ANKS1B: variants seen among roughly 807,000 people sequenced by gnomAD.
ANKS1B encodes the protein ankyrin repeat and sterile alpha motif domain-containing protein 1B.
Under a neutral mutation model 148.3 loss-of-function variants are expected in ANKS1B, and 36 were observed. The observed-to-expected ratio is 0.24, with a 90% CI of 0.19 to 0.32. The LOEUF is 0.32. Among genes scored for constraint, ANKS1B ranks in the 10% least tolerant of loss-of-function variants. ANKS1B has a pLI of 1.00. For missense variants in ANKS1B, 1,157 were observed against 1,542.6 expected (o/e 0.75, Z 4.19); for synonymous variants, 542 against 560.8 (o/e 0.97, Z 0.47).
At chr12:99,855,525 A>G (rs542209047) in intron 1 of ANKS1B, among the ~76,000 whole-genome samples, 1 of 152,284 alleles carries the variant, frequency 6.6e-6, no homozygotes, top group African/African-American at 2.4e-5. Context: ...GTCAACAAAT[A>G]AACAATGGCC....
intron 17 of ANKS1B, among the ~76,000 whole-genome samples, chr12:98,900,746 C>A (rs2099770842): frequency 6.6e-6 from 1 of 152,178 alleles, no homozygotes; most frequent in African/African-American, 2.4e-5. Context: ...TTCTCAAAGG[C>A]AGTGCTATTG....
intron 9 of ANKS1B, among the ~76,000 whole-genome samples, chr12:99,506,800 A>G (rs2096716519): frequency 6.6e-6 from 1 of 152,080 alleles, no homozygotes; most frequent in African/African-American, 2.4e-5. Flanking sequence ...AAAAGGCACT[A>G]TAAAATGAGT....
chr12:99,441,270 T>G (rs969277105), intron 11 of ANKS1B, among the ~76,000 whole-genome samples: 5 of 151,950 alleles, frequency 3.3e-5, no homozygotes, highest in African/African-American at 1.2e-4. Context: ...TCTCAACCAT[T>G]TTCCATCCCT....
In ANKS1B at chr12:99,253,140, T is replaced by C. The variant is rs905898128; in HGVS notation, c.1757-6276A>G. Among the ~76,000 whole-genome samples the C allele has an allele frequency of 2.6e-5, 4 of 151,876 alleles. No individual in the cohort carries two copies. In the South Asian group the frequency reaches 6.2e-4, roughly 24 times the overall value. On this transcript the variant is annotated intron_variant, in intron 12 of 26. Transcript: ENST00000683438. ...TACTCAGGAGACTGAGATGGGAGGA[T>C]TGCTTGAGCCCAGGAGTTCAAGTCT...
rs1231026773 is a variant in ANKS1B at position 99,405,129 on chromosome 12, G to C, written c.1576-5318C>G. Among the ~76,000 whole-genome samples, 6 of 145,728 alleles carry C rather than the reference G, an allele frequency of 4.1e-5. 2 individuals carry two copies. Among genetic ancestry groups the C allele is most frequent in the African/African-American group, 1.6e-4 (6 of 38,470 alleles). Reference sequence around the variant, plus strand: ...AAGTTGAGAAATTTCTTCAACATTAGATCTTTCCTACAATAAATGCTAAAG... The same window carrying C: ...AAGTTGAGAAATTTCTTCAACATTACATCTTTCCTACAATAAATGCTAAAG... On this transcript the variant is annotated intron_variant, in intron 11 of 26. Transcript: ENST00000683438.
intron 17 of ANKS1B, among the ~76,000 whole-genome samples, chr12:98,941,367 T>C (rs1354538803): frequency 2.0e-5 from 3 of 152,078 alleles, no homozygotes; most frequent in African/African-American, 4.8e-5. Context: ...AAAAAGCATA[T>C]AAATATGAAA....
chr12:99,002,156 A>G (rs541086024), intron 17 of ANKS1B, among the ~76,000 whole-genome samples: 2 of 152,116 alleles, frequency 1.3e-5, no homozygotes, highest in African/African-American at 4.8e-5. Context: ...TTTCCTTTGG[A>G]TATAGACCCA....
chr12:99,510,104 C>A (rs1293020483), intron 9 of ANKS1B, among the ~76,000 whole-genome samples: 1 of 151,930 alleles, frequency 6.6e-6, no homozygotes, highest in East Asian at 1.9e-4. Context: ...AGAAAAGATT[C>A]CTTTCAAAAT....
chr12:99,543,449 A>G (rs2097145348), intron 9 of ANKS1B, among the ~76,000 whole-genome samples: 1 of 152,110 alleles, frequency 6.6e-6, no homozygotes, highest in African/African-American at 2.4e-5. Context: ...TTACCATATG[A>G]CTCCAATATT....
chr12:98,849,346 G>A (rs960122442), intron 17 of ANKS1B, among the ~76,000 whole-genome samples: 1 of 152,012 alleles, frequency 6.6e-6, no homozygotes, highest in Non-Finnish European at 1.5e-5. Context: ...GGAAAATTAT[G>A]AGCAGAGGTA....
intron 1 of ANKS1B, among the ~76,000 whole-genome samples, chr12:99,920,371 G>C (rs991069552): frequency 2.6e-5 from 4 of 151,826 alleles, no homozygotes; most frequent in African/African-American, 9.7e-5. Context: ...CGACATTCAA[G>C]ACAAGTGAAG....
chr12:99,808,709 C>A (rs1429520457), intron 3 of ANKS1B, among the ~76,000 whole-genome samples: 3 of 152,098 alleles, frequency 2.0e-5, no homozygotes, highest in African/African-American at 7.2e-5. Context: ...ACCTCCTGAC[C>A]AACCCAAATT....
At chr12:99,753,087 C>T (rs1216649701) in intron 8 of ANKS1B, among the ~76,000 whole-genome samples, 2 of 151,998 alleles carry the variant, frequency 1.3e-5, no homozygotes, top group South Asian at 2.1e-4. Flanking sequence ...TTATGAGATA[C>T]TGTACTTTTA....
intron 14 of ANKS1B, among the ~76,000 whole-genome samples, chr12:99,161,053 G>T (rs1207452490): frequency 1.3e-5 from 2 of 152,114 alleles, no homozygotes; most frequent in African/African-American, 4.8e-5. Flanking sequence ...TTTTAGAAAA[G>T]TTTTTTCTAG....
chr12:99,564,682 GACTA>G (rs1389848424), intron 9 of ANKS1B, among the ~76,000 whole-genome samples: 6 of 151,984 alleles, frequency 3.9e-5, no homozygotes, highest in Non-Finnish European at 5.9e-5. Flanking sequence ...TCCCTTACAA[GACTA>G]ACTTTTTCCA....
chr12:99,690,966 A>T (rs2098676080), intron 8 of ANKS1B, among the ~76,000 whole-genome samples: 1 of 152,198 alleles, frequency 6.6e-6, no homozygotes, highest in Non-Finnish European at 1.5e-5. Context: ...ACATCCAGGC[A>T]TTTCCCTACA....
chr12:99,561,981 AG>A (rs2097341175), intron 9 of ANKS1B, among the ~76,000 whole-genome samples: 1 of 152,252 alleles, frequency 6.6e-6, no homozygotes, highest in African/African-American at 2.4e-5. Context: ...TTCATAAAAA[AG>A]ACTTAACAGT....
chr12:99,212,599 T>C (rs2083501135), intron 14 of ANKS1B, among the ~76,000 whole-genome samples: 1 of 152,236 alleles, frequency 6.6e-6, no homozygotes, highest in Non-Finnish European at 1.5e-5. Context: ...TAAATGTTCA[T>C]TGAATGAATA....
chr12:99,534,192 G>A (rs1485583827), intron 9 of ANKS1B, among the ~76,000 whole-genome samples: 1 of 152,182 alleles, frequency 6.6e-6, no homozygotes, highest in Non-Finnish European at 1.5e-5. Flanking sequence ...ATGAAAATAT[G>A]TTTTGGTATC....
Sources: allele counts gnomAD v4.1 joint callset (sites outside exome capture counted in the v4.1 genomes callset), GRCh38; gene constraint gnomAD v4.1.1; transcripts MANE v1.5; gene names NCBI Gene and HGNC (gene_info 2026-07-23, HGNC 2026-07-21).